Variants in ACTR3C observed in about 807,000 individuals in gnomAD.
ACTR3C encodes the protein actin-related protein 3C.
A neutral mutation model predicts 26.3 loss-of-function variants in ACTR3C; 18 were observed. The ratio of observed to expected loss-of-function variants is 0.68; its 90% CI spans 0.47 to 1.01. The LOEUF (loss-of-function observed/expected upper bound fraction) is 1.01, where lower values mean the gene tolerates loss of function less well. Among genes scored for constraint, ACTR3C ranks in the 50% least tolerant of loss-of-function variants. ACTR3C has a pLI of 0.00. For missense variants in ACTR3C, 184 were observed against 250.7 expected (o/e 0.73, Z 1.80); for synonymous variants, 55 against 94.5 (o/e 0.58, Z 2.42).
intron 1 of ACTR3C, among the ~76,000 whole-genome samples, chr7:150,315,079 TTTA>T (rs1181161562): frequency 3.4e-5 from 5 of 147,238 alleles, no homozygotes; most frequent in Non-Finnish European, 7.5e-5. Context: ...TAAGAAAATA[TTTA>T]TTATTTATTA....
At chr7:150,222,058 G>A in the ACTR3C span, among the ~76,000 whole-genome samples, 29 of 149,666 alleles carry the variant, frequency 1.9e-4, no homozygotes, top group Admixed American at 1.9e-3. Context: ...GTAAAAGGGA[G>A]ATTTATTTTA....
the ACTR3C span, among the ~76,000 whole-genome samples, chr7:150,039,054 T>C: frequency 6.4e-5 from 9 of 139,766 alleles, no homozygotes; most frequent in Non-Finnish European, 1.1e-4. Flanking sequence ...GTACCTGCTG[T>C]CGGAAGATTT....
chr7:149,885,511 C>T, the ACTR3C span, among the ~76,000 whole-genome samples: 2 of 152,226 alleles, frequency 1.3e-5, no homozygotes, highest in African/African-American at 4.8e-5. Context: ...GTGTTCTCCC[C>T]GCAGGCGGCT....
At chr7:150,315,634 C>T (rs965399553) in intron 1 of ACTR3C, among the ~76,000 whole-genome samples, 1 of 152,068 alleles carries the variant, frequency 6.6e-6, no homozygotes. Context: ...AAACTGAGCT[C>T]ACAGTGAAAA....
At chr7:150,182,904 T>G in the ACTR3C span, among the ~76,000 whole-genome samples, 4 of 150,990 alleles carry the variant, frequency 2.6e-5, no homozygotes, top group African/African-American at 9.9e-5. Flanking sequence ...AAAATAACAT[T>G]CTTTATCTTT....
the ACTR3C span, among the ~76,000 whole-genome samples, chr7:150,198,758 G>C: frequency 6.8e-6 from 1 of 147,780 alleles, no homozygotes. Flanking sequence ...GAGGTGGGGG[G>C]GGGTCAGCCC....
At chr7:150,128,231 C>T in the ACTR3C span, among the ~76,000 whole-genome samples, 7 of 151,206 alleles carry the variant, frequency 4.6e-5, no homozygotes, top group African/African-American at 1.7e-4. Flanking sequence ...ACCCTCCTGC[C>T]CCTCAGCTCC....
intron 1 of ACTR3C, among the ~76,000 whole-genome samples, chr7:150,314,184 G>A (rs1380880361): frequency 2.6e-5 from 4 of 152,212 alleles, no homozygotes; most frequent in South Asian, 4.1e-4. Context: ...TGTTAGCTCC[G>A]TCACTGTGGC....
At chr7:150,133,774 G>A in the ACTR3C span, among the ~76,000 whole-genome samples, 1 of 152,026 alleles carries the variant, frequency 6.6e-6, no homozygotes, top group African/African-American at 2.4e-5. Flanking sequence ...GTCTTGCCCT[G>A]TCACTCAGAC....
At chr7:149,922,032 G>A in the ACTR3C span, among the ~76,000 whole-genome samples, 14 of 146,452 alleles carry the variant, frequency 9.6e-5, no homozygotes, top group Admixed American at 2.1e-4. Context: ...AGCTTTGAAT[G>A]GGTGCAGGTC....
chr7:150,049,277 G>T, the ACTR3C span, among the ~76,000 whole-genome samples: 5 of 152,014 alleles, frequency 3.3e-5, no homozygotes, highest in Non-Finnish European at 7.4e-5. Flanking sequence ...GGAGTTGCTG[G>T]GCACGCGTCT....
chr7:150,231,197 C>T, the ACTR3C span, among the ~76,000 whole-genome samples: 10 of 152,096 alleles, frequency 6.6e-5, no homozygotes, highest in South Asian at 2.1e-4. Flanking sequence ...TTAGATCGTG[C>T]GATATTTAGA....
the ACTR3C span, among the ~76,000 whole-genome samples, chr7:150,170,990 G>A: frequency 7.3e-6 from 1 of 136,498 alleles, no homozygotes; most frequent in East Asian, 2.0e-4. Context: ...AACAAAAACC[G>A]ATAGATCTGC....
At chr7:150,314,681 G>A (rs1796661487) in intron 1 of ACTR3C, among the ~76,000 whole-genome samples, 1 of 151,000 alleles carries the variant, frequency 6.6e-6, no homozygotes, top group African/African-American at 2.4e-5. Context: ...GGTGGCTCAT[G>A]CCTGTAATCC....
At chr7:149,991,989 TTTG>T in the ACTR3C span, among the ~76,000 whole-genome samples, 1 of 110,120 alleles carries the variant, frequency 9.1e-6, no homozygotes, top group Non-Finnish European at 2.2e-5. Flanking sequence ...ACACTGAGTG[TTTG>T]TTATGTAAGC....
the ACTR3C span, among the ~76,000 whole-genome samples, chr7:149,927,697 C>T: frequency 6.6e-6 from 1 of 150,824 alleles, no homozygotes; most frequent in Non-Finnish European, 1.5e-5. Context: ...CATTCTACTC[C>T]AGTCTGAACA....
the ACTR3C span, among the ~76,000 whole-genome samples, chr7:150,029,426 A>AAAACAAAAAACAAAAAAC: frequency 5.0e-4 from 65 of 129,614 alleles, 1 homozygote; most frequent in African/African-American, 1.9e-3. Context: ...AACAAACAAA[A>AAAACAAAAAACAAAAAAC]AAAAACCATG....
At chr7:150,260,462 G>A (rs1399754932) in intron 6 of ACTR3C, among the ~76,000 whole-genome samples, 2 of 152,190 alleles carry the variant, frequency 1.3e-5, no homozygotes, top group Non-Finnish European at 2.9e-5. Context: ...TTGTTTTGTA[G>A]AGGGAAAGGG....
At chr7:149,978,195 T>G in the ACTR3C span, among the ~76,000 whole-genome samples, 50 of 152,370 alleles carry the variant, frequency 3.3e-4, 1 homozygote, top group South Asian at 9.7e-3. Flanking sequence ...GTATGAGCAG[T>G]GGCAGCGGAG....
Sources: gnomAD v4.1 joint callset for allele counts (sites outside exome capture counted in the v4.1 genomes callset) on GRCh38, gnomAD v4.1.1 for gene constraint, MANE v1.5 for transcripts, NCBI Gene and HGNC (gene_info 2026-07-23, HGNC 2026-07-21) for gene names.